Variants in REV3L observed in about 807,000 individuals in gnomAD.
REV3L encodes DNA polymerase zeta catalytic subunit.
A neutral mutation model predicts 299.4 loss-of-function variants in REV3L; 69 were observed. That is an observed-to-expected ratio of 0.23 (90% CI 0.19 to 0.28). The LOEUF (loss-of-function observed/expected upper bound fraction) is 0.28, where lower values mean the gene tolerates loss of function less well. REV3L is among the 10% of genes least tolerant of loss of function. The pLI, the probability that REV3L is intolerant of heterozygous loss-of-function variation, is 1.00. For missense variants in REV3L, 3,128 were observed against 3,693.8 expected (o/e 0.85, Z 3.97); for synonymous variants, 1,238 against 1,271.4 (o/e 0.97, Z 0.56).
At chr6:111,357,693 A>C (rs80203385) in intron 17 of REV3L, among the ~76,000 whole-genome samples, 14 of 146,902 alleles carry the variant, frequency 9.5e-5, no homozygotes, top group African/African-American at 3.2e-4. Flanking sequence ...ACTCTGTCTC[A>C]AAAAAAAAAA....
At chr6:111,335,716 TAAGGA>T in intron 21 of REV3L, 106 bp from the exon 22 acceptor site, 5 of 1,135,000 alleles carry the variant, frequency 4.4e-6, no homozygotes, top group Non-Finnish European at 6.1e-6. Context: ...TGAGGTTACT[TAAGGA>T]AAGAGTAATG....
intron 2 of REV3L, among the ~76,000 whole-genome samples, chr6:111,413,889 G>GAT (rs969175565): frequency 1.6e-4 from 24 of 151,818 alleles, no homozygotes; most frequent in African/African-American, 5.3e-4. Context: ...TTGAAATGAG[G>GAT]ATATATATAG....
intron 13 of REV3L, among the ~76,000 whole-genome samples, chr6:111,372,344 A>G (rs369880373): frequency 3.5e-4 from 54 of 152,362 alleles, no homozygotes; most frequent in African/African-American, 1.3e-3. Flanking sequence ...ACATAGTGTT[A>G]AATAATGGTA....
At chr6:111,306,265 G>C (rs1221871836) in intron 31 of REV3L, among the ~76,000 whole-genome samples, 1 of 152,174 alleles carries the variant, frequency 6.6e-6, no homozygotes, top group Non-Finnish European at 1.5e-5. Context: ...ATAGGTAGAG[G>C]AAAGTGTTCC....
intron 25 of REV3L, among the ~76,000 whole-genome samples, chr6:111,325,006 C>T (rs1230675334): frequency 2.6e-5 from 4 of 151,436 alleles, no homozygotes; most frequent in Admixed American, 6.6e-5. Flanking sequence ...GGACTACAGG[C>T]ACCCGCCACT....
intron 25 of REV3L, among the ~76,000 whole-genome samples, chr6:111,325,171 T>C (rs1167219585): frequency 6.6e-6 from 1 of 152,204 alleles, no homozygotes; most frequent in East Asian, 1.9e-4. Flanking sequence ...TCAAAAGTCT[T>C]AATAAAAACA....
At chr6:111,459,592 T>C (rs1418256816) in intron 1 of REV3L, among the ~76,000 whole-genome samples, 1 of 151,788 alleles carries the variant, frequency 6.6e-6, no homozygotes, top group African/African-American at 2.4e-5. Context: ...AATAACCCCA[T>C]TAAAATGTAA....
intron 1 of REV3L, among the ~76,000 whole-genome samples, chr6:111,467,761 TGATTTGA>T (rs1791683885): frequency 6.6e-6 from 1 of 152,158 alleles, no homozygotes; most frequent in South Asian, 2.1e-4. Context: ...TTTATATAAG[TGATTTGA>T]GCATCTGTGG....
rs1049260507 is a variant in REV3L, at chr6:111,441,202, C to T, written c.140-24730G>A. ...CTAGCATTTCCTTTTCTTACAATTC[C>T]AATCCCTATGCCTCTATTATCCATC... On this transcript the variant is annotated intron_variant, in intron 1 of 31. Coordinates refer to ENST00000368802, the MANE Select transcript of REV3L (RefSeq NM_001372078.1). Among the ~76,000 whole-genome samples the T allele has an allele frequency of 9.2e-5, 14 of 152,218 alleles. No homozygotes were observed. The South Asian group carries it at 1.5e-3, about 16-fold the overall frequency.
chr6:111,306,957 CATT>C (rs1772377727), intron 31 of REV3L, among the ~76,000 whole-genome samples: 1 of 152,090 alleles, frequency 6.6e-6, no homozygotes. Flanking sequence ...GGTTGAGTAT[CATT>C]AATCTGAAAA....
At chr6:111,432,021 A>G (rs1787000706) in intron 1 of REV3L, among the ~76,000 whole-genome samples, 1 of 152,182 alleles carries the variant, frequency 6.6e-6, no homozygotes, top group Non-Finnish European at 1.5e-5. Context: ...ATGTTTTTGT[A>G]GTCTCATGGT....
chr6:111,302,058 C>T (rs1342609546), intron 31 of REV3L, among the ~76,000 whole-genome samples: 1 of 152,176 alleles, frequency 6.6e-6, no homozygotes, highest in East Asian at 1.9e-4. Context: ...AGAGATGGCT[C>T]ACAGGCCAGT....
chr6:111,326,061 G>C (rs916330554), intron 25 of REV3L, among the ~76,000 whole-genome samples: 3 of 152,022 alleles, frequency 2.0e-5, no homozygotes, highest in African/African-American at 7.2e-5. Context: ...TTAGCATAAT[G>C]TCCTTCAGTT....
At chr6:111,388,710 ATTTC>A (rs1490056747) in intron 7 of REV3L, among the ~76,000 whole-genome samples, 1 of 152,206 alleles carries the variant, frequency 6.6e-6, no homozygotes, top group African/African-American at 2.4e-5. Context: ...TGTGGGCAGC[ATTTC>A]AATGGCTACA....
intron 1 of REV3L, among the ~76,000 whole-genome samples, chr6:111,453,847 G>A (rs1789844765): frequency 6.6e-6 from 1 of 152,060 alleles, no homozygotes; most frequent in South Asian, 2.1e-4. Flanking sequence ...TTAGCTGGGC[G>A]TGGTGGCGCA....
chr6:111,394,120 T>C (rs1782224924), intron 4 of REV3L, among the ~76,000 whole-genome samples: 1 of 152,138 alleles, frequency 6.6e-6, no homozygotes, highest in African/African-American at 2.4e-5. Context: ...ATCTTTGATA[T>C]ATTGAATTGA....
intron 5 of REV3L, 37 bp downstream of exon 5, chr6:111,392,839 A>T: frequency 7.8e-7 from 1 of 1,278,546 alleles, no homozygotes; most frequent in Middle Eastern, 1.9e-4. Context: ...ACTAGGATAT[A>T]TGTAAAATTT....
rs1258660176 is a variant in REV3L, at chr6:111,349,075, A to G, written c.7419+143T>C. The G allele has an allele frequency of 7.8e-6, 4 of 513,574 alleles. No individual in the cohort carries two copies. In the East Asian group the frequency reaches 1.3e-4, roughly 16 times the overall value. 31.8% of individuals were successfully genotyped at this position (513,574 alleles called of 1,614,324 possible). The stretch of plus-strand genomic sequence containing the variant: ...TCTGTAGTTTTGCATTTTAGAAAGT[A>G]CTATTTTAACTCTACTTAAGTATAA... On this transcript the variant is annotated intron_variant, in intron 20 of 31. Transcript: ENST00000368802.
rs1483285579 is a variant in REV3L, at chr6:111,483,123, C to CGGTGCT, written c.-241_-236dup. The CGGTGCT allele has an allele frequency of 4.0e-6, 2 of 504,824 alleles. No individual in the cohort carries two copies. Among genetic ancestry groups the CGGTGCT allele is most frequent in the Non-Finnish European group, 3.4e-6 (1 of 295,780 alleles). 31.3% of individuals were successfully genotyped at this position (504,824 alleles called of 1,614,324 possible). Reference sequence around the variant, plus strand: ...AGGAGAGAAGCCCTCGAGCTTTCGTCGGTGCTGGTGCTGCCGCCACTGCCG... The same window carrying CGGTGCT: ...AGGAGAGAAGCCCTCGAGCTTTCGTCGGTGCTGGTGCTGGTGCTGCCGCCACTGCCG... On this transcript the variant is annotated 5_prime_UTR_variant, in exon 1 of 32. Transcript: ENST00000368802.
Sources: gnomAD v4.1 joint callset for allele counts (sites outside exome capture counted in the v4.1 genomes callset) on GRCh38, gnomAD v4.1.1 for gene constraint, MANE v1.5 for transcripts, NCBI Gene and HGNC (gene_info 2026-07-23, HGNC 2026-07-21) for gene names.